The following ARHGAP35 variants were observed in gnomAD, a reference collection of about 807,000 sequenced individuals.
ARHGAP35 encodes the protein Rho GTPase activating protein 35.
Under a neutral mutation model 111.1 loss-of-function variants are expected in ARHGAP35, and 15 were observed. That is an observed-to-expected ratio of 0.13 (90% CI 0.09 to 0.21). ARHGAP35 has a LOEUF of 0.21. Among genes scored for constraint, ARHGAP35 ranks in the 10% least tolerant of loss-of-function variants. The probability of loss-of-function intolerance (pLI) is 1.00; values close to 1 mark genes in which losing one functional copy is unlikely to be tolerated. For synonymous variants in ARHGAP35, 643 were observed against 710.3 expected, an observed-to-expected ratio of 0.91 and a Z score of 1.51; for missense variants, 1,262 against 1,873.0, an observed-to-expected ratio of 0.67 and a Z score of 6.02.
At chr19:46,866,435 G>A (rs1476485525) in intron 1 of ARHGAP35, among the ~76,000 whole-genome samples, 1 of 152,182 alleles carries the variant, frequency 6.6e-6, no homozygotes, top group Non-Finnish European at 1.5e-5. Context: ...ATTTATATAA[G>A]GGCAGTGACC....
intron 1 of ARHGAP35, among the ~76,000 whole-genome samples, chr19:46,891,421 G>GTT (rs964404333): frequency 2.8e-5 from 4 of 144,692 alleles, no homozygotes; most frequent in African/African-American, 5.1e-5. Flanking sequence ...GCTAGGGCAA[G>GTT]TTTTTTTTTT....
Position 47,001,441 on chromosome 19 carries a change from C to A in ARHGAP35, c.*753C>A. On this transcript the variant is annotated 3_prime_UTR_variant, in exon 7 of 7. Transcript: ENST00000672722. This position sits in a 1 kb window ranked among gnomAD's most constrained non-coding sequence, Gnocchi z 5.4. Reference sequence around the variant, plus strand: ...GAAACCACAGAAAGAAAACTACAGACCTCAAGATTCCACTCTGTGCCCGCC... The same window carrying A: ...GAAACCACAGAAAGAAAACTACAGAACTCAAGATTCCACTCTGTGCCCGCC... 8.0e-7 allele frequency: 1 copy of A among 1,247,368 alleles called. No homozygotes were observed. The highest frequency in any genetic ancestry group is 1.1e-6 in the Non-Finnish European group (1 of 951,152). 77.3% of individuals were successfully genotyped at this position (1,247,368 alleles called of 1,614,324 possible).
intron 3 of ARHGAP35, among the ~76,000 whole-genome samples, chr19:46,963,783 G>T (rs1407051989): frequency 6.6e-6 from 1 of 152,148 alleles, no homozygotes; most frequent in East Asian, 1.9e-4. Context: ...CTTTAATAAT[G>T]GTTTATTGCT....
intron 3 of ARHGAP35, 35 bp downstream of exon 3, chr19:46,937,443 C>A: frequency 6.2e-7 from 1 of 1,609,928 alleles, no homozygotes; most frequent in Non-Finnish European, 8.5e-7. Context: ...TTATAACTTT[C>A]ACTGTCTACA....
intron 3 of ARHGAP35, among the ~76,000 whole-genome samples, chr19:46,981,424 C>T (rs1003884555): frequency 6.6e-6 from 1 of 152,122 alleles, no homozygotes; most frequent in Non-Finnish European, 1.5e-5. Flanking sequence ...AGTCTGAGTT[C>T]GTCTTGGAGG....
In ARHGAP35 at chr19:46,920,796, A is replaced by G. The variant is rs1294397366; in HGVS notation, c.2121A>G (p.Gly707=). The G allele has an allele frequency of 8.1e-6, 13 of 1,610,290 alleles. No individual in the cohort carries two copies. The highest frequency in any genetic ancestry group is 1.0e-5 in the Non-Finnish European group (12 of 1,177,994). The change falls in exon 2 of 7, where the codon GGA becomes GGG. Residue 707 remains glycine, a synonymous_variant. Transcript: ENST00000672722. This position sits in a 1 kb window ranked among gnomAD's most constrained non-coding sequence, Gnocchi z 7.0. Reference sequence around the variant, plus strand: ...CATTAATTTTGGTTAACAAGAGAGGAGACACCAGTGGAGAGACTCTGCATA... The same window carrying G: ...CATTAATTTTGGTTAACAAGAGAGGGGACACCAGTGGAGAGACTCTGCATA... ...PLTLILVNKR[G]DTSGETLHSL...
chr19:46,999,276 G>A lies in ARHGAP35; in HGVS notation c.4037-28G>A, dbSNP rs1004978197. The A allele has an allele frequency of 2.5e-5, 38 of 1,525,126 alleles. No homozygotes were observed. Among genetic ancestry groups the A allele is most frequent in the Admixed American group, 1.5e-4 (8 of 51,656 alleles). 94.5% of individuals were successfully genotyped at this position (1,525,126 alleles called of 1,614,324 possible). A position where few individuals can be genotyped will look rare whatever the true frequency, so the allele number is the denominator to read the frequency against. On this transcript the variant is annotated intron_variant, in intron 5 of 6. Coordinates refer to ENST00000672722, the MANE Select transcript of ARHGAP35 (RefSeq NM_004491.5). The surrounding 1 kb of genome is among the most constrained non-coding windows in gnomAD (Gnocchi z 5.4). Reference sequence around the variant, plus strand: ...TGGCCACCAGCCTCGGCCATGAAAGGCAAGGCTTTGGTTTTCTCTCTCCTC... The same window carrying A: ...TGGCCACCAGCCTCGGCCATGAAAGACAAGGCTTTGGTTTTCTCTCTCCTC...
At chr19:46,864,924 A>G (rs564099588) in intron 1 of ARHGAP35, among the ~76,000 whole-genome samples, 2 of 152,250 alleles carry the variant, frequency 1.3e-5, no homozygotes, top group East Asian at 1.9e-4. Context: ...TACTGCTTAA[A>G]TGTGTGTCCC....
chr19:46,991,912 C>T (rs1371425156), intron 5 of ARHGAP35, among the ~76,000 whole-genome samples: 1 of 152,216 alleles, frequency 6.6e-6, no homozygotes, highest in African/African-American at 2.4e-5. Context: ...TCTATATGTT[C>T]AGGCCTTGGA....
At chr19:46,958,472 A>T (rs922084517) in intron 3 of ARHGAP35, among the ~76,000 whole-genome samples, 17 of 152,178 alleles carry the variant, frequency 1.1e-4, no homozygotes, top group Admixed American at 3.3e-4. Flanking sequence ...TAGTCTAACA[A>T]ATTTGTAGAA....
chr19:46,959,715 T>C (rs1335379005), intron 3 of ARHGAP35, among the ~76,000 whole-genome samples: 1 of 151,078 alleles, frequency 6.6e-6, no homozygotes, highest in African/African-American at 2.4e-5. Flanking sequence ...CCTCCTTTTT[T>C]AAATGGTCTT....
At chr19:46,937,496 C>A in intron 3 of ARHGAP35, 88 bp downstream of exon 3, 2 of 1,454,602 alleles carry the variant, frequency 1.4e-6, no homozygotes, top group African/African-American at 1.4e-5. Context: ...ATTCTGGAAT[C>A]AGTTGTTGTT....
chr19:46,995,970 A>T (rs2056705149), intron 5 of ARHGAP35, among the ~76,000 whole-genome samples: 1 of 152,192 alleles, frequency 6.6e-6, no homozygotes, highest in Non-Finnish European at 1.5e-5. Context: ...GCTGCTCAGT[A>T]CTCAGGAGCA....
chr19:46,904,627 T>C (rs2056096523), intron 1 of ARHGAP35, among the ~76,000 whole-genome samples: 1 of 152,206 alleles, frequency 6.6e-6, no homozygotes, highest in Non-Finnish European at 1.5e-5. Flanking sequence ...GATTCCATCG[T>C]AAAGCAGTTG....
chr19:46,869,400 G>A (rs1427628409), intron 1 of ARHGAP35, among the ~76,000 whole-genome samples: 4 of 152,022 alleles, frequency 2.6e-5, no homozygotes, highest in Non-Finnish European at 5.9e-5. Context: ...CAGAGGTAAA[G>A]GCTGCAGTGA....
intron 3 of ARHGAP35, among the ~76,000 whole-genome samples, chr19:46,941,876 TAA>T (rs71179279): frequency 4.8e-4 from 45 of 94,530 alleles, no homozygotes; most frequent in Non-Finnish European, 5.7e-4. Context: ...CCTGTCTCTT[TAA>T]AAAAAAAAAA....
rs542006333 is a variant in ARHGAP35, at chr19:46,888,195, G to A, written c.-189+26986G>A. On this transcript the variant is annotated intron_variant, in intron 1 of 6. Coordinates refer to ENST00000672722, the MANE Select transcript of ARHGAP35 (RefSeq NM_004491.5). Reference sequence around the variant, plus strand: ...TCTCGATCTCCTGACCTTGTGATCCGCCCACCTCGGCCTCCCAAAGTGCTG... The same window carrying A: ...TCTCGATCTCCTGACCTTGTGATCCACCCACCTCGGCCTCCCAAAGTGCTG... 3.3e-3 allele frequency among the ~76,000 whole-genome samples: 455 copies of A among 137,878 alleles called. 2 individuals are homozygous for A. The highest frequency in any genetic ancestry group is 9.9e-3 in the African/African-American group (367 of 37,116). 90.5% of individuals were successfully genotyped at this position (137,878 alleles called of 152,430 possible).
chr19:46,862,265 C>G (rs567191290), intron 1 of ARHGAP35, among the ~76,000 whole-genome samples: 1 of 152,260 alleles, frequency 6.6e-6, no homozygotes, highest in African/African-American at 2.4e-5. Flanking sequence ...TGATGTATCC[C>G]TAACTCAGAC....
chr19:46,937,039 C>T (rs60067457), intron 2 of ARHGAP35, among the ~76,000 whole-genome samples: 2,388 of 152,090 alleles, frequency 0.016, 65 homozygotes, highest in African/African-American at 0.055. Flanking sequence ...ACGGTTTCAC[C>T]ATGTTGGCCA....
Sources: gnomAD v4.1 joint callset for allele counts (sites outside exome capture counted in the v4.1 genomes callset) on GRCh38, gnomAD v4.1.1 for gene constraint, Gnocchi (gnomAD v3.1) non-coding constraint, MANE v1.5 for transcripts, NCBI Gene and HGNC (gene_info 2026-07-23, HGNC 2026-07-21) for gene names.